The following STX8 variants were observed in gnomAD, a reference collection of about 807,000 sequenced individuals.
STX8 encodes syntaxin-8.
In STX8, 23 loss-of-function variants were observed where a neutral mutation model predicts 37.5. The observed-to-expected ratio is 0.61, with a 90% CI of 0.44 to 0.87. STX8 has a LOEUF of 0.87. Ranked by LOEUF, STX8 falls within the 40% of genes least tolerant of loss-of-function variation. The probability of loss-of-function intolerance (pLI) is 0.00; values close to 1 mark genes in which losing one functional copy is unlikely to be tolerated. For missense variants in STX8, 313 were observed against 284.7 expected (o/e 1.10, Z -0.71); for synonymous variants, 115 against 99.1 (o/e 1.16, Z -0.95).
intron 4 of STX8, among the ~76,000 whole-genome samples, chr17:9,542,972 G>C (rs899763476): frequency 6.6e-6 from 1 of 152,128 alleles, no homozygotes; most frequent in Non-Finnish European, 1.5e-5. Flanking sequence ...ACAAGGACCT[G>C]GTGGGAAGAC....
chr17:9,518,746 C>T (rs142542920), intron 4 of STX8, among the ~76,000 whole-genome samples: 4,955 of 151,762 alleles, frequency 0.033, 243 homozygotes, highest in African/African-American at 0.11. Context: ...TGGGCGCCTG[C>T]AATCCCAGCT....
At chr17:9,551,899 G>T (rs191327563) in intron 3 of STX8, among the ~76,000 whole-genome samples, 8 of 151,668 alleles carry the variant, frequency 5.3e-5, no homozygotes, top group Non-Finnish European at 1.0e-4. Context: ...ACTAGGGGGG[G>T]GTGTAACTTA....
chr17:9,573,078 A>AAAC (rs1907745547), intron 1 of STX8, among the ~76,000 whole-genome samples: 2 of 36,384 alleles, frequency 5.5e-5, no homozygotes, highest in Non-Finnish European at 8.0e-5. Context: ...CCCACCCCCA[A>AAAC]CACCCCCCCC....
intron 4 of STX8, among the ~76,000 whole-genome samples, chr17:9,508,439 T>C (rs1817276): frequency 1 from 152,094 of 152,320 alleles, 75,935 homozygotes; most frequent in Middle Eastern, 1. Flanking sequence ...TGATTCTCCC[T>C]CCTCAGTCCT....
At chr17:9,414,877 A>G (rs1248258165) in intron 6 of STX8, among the ~76,000 whole-genome samples, 2 of 132,032 alleles carry the variant, frequency 1.5e-5, no homozygotes, top group Admixed American at 9.4e-5. Context: ...TGCAACCTCT[A>G]CCTCCTGGGT....
At chr17:9,413,044 T>C (rs1395282004) in intron 6 of STX8, among the ~76,000 whole-genome samples, 1 of 152,178 alleles carries the variant, frequency 6.6e-6, no homozygotes, top group Non-Finnish European at 1.5e-5. Flanking sequence ...CCTAGATGTA[T>C]AAGAATGACT....
intron 7 of STX8, among the ~76,000 whole-genome samples, chr17:9,343,854 A>G (rs1910450360): frequency 6.6e-6 from 1 of 152,272 alleles, no homozygotes; most frequent in Admixed American, 6.5e-5. Context: ...GATGAGAAAT[A>G]TTAATTCCAG....
At chr17:9,331,548 C>T (rs1909962075) in intron 7 of STX8, among the ~76,000 whole-genome samples, 1 of 152,148 alleles carries the variant, frequency 6.6e-6, no homozygotes, top group African/African-American at 2.4e-5. Context: ...AGGACCGAGG[C>T]CGGGTGTCCT....
chr17:9,430,060 A>ATATATATATTCTATAT, intron 6 of STX8, among the ~76,000 whole-genome samples: 1 of 60,074 alleles, frequency 1.7e-5, no homozygotes, highest in African/African-American at 8.1e-5. Context: ...ATTCTATATA[A>ATATATATATTCTATAT]TATATATATT....
At chr17:9,485,137 A>ATG (rs1906529799) in intron 6 of STX8, among the ~76,000 whole-genome samples, 1 of 151,946 alleles carries the variant, frequency 6.6e-6, no homozygotes, top group African/African-American at 2.4e-5. Flanking sequence ...AAAAAAAATT[A>ATG]TAATAAGATC....
At chr17:9,398,704 C>G (rs561912799) in intron 6 of STX8, among the ~76,000 whole-genome samples, 88 of 152,176 alleles carry the variant, frequency 5.8e-4, no homozygotes, top group African/African-American at 2.0e-3. Context: ...AAATCTAAAA[C>G]TGTTCTAAAA....
At chr17:9,427,275 T>C (rs1467789233) in intron 6 of STX8, among the ~76,000 whole-genome samples, 1 of 152,164 alleles carries the variant, frequency 6.6e-6, no homozygotes, top group East Asian at 1.9e-4. Flanking sequence ...AGTAGCAGTC[T>C]TGATCCAGCC....
intron 7 of STX8, among the ~76,000 whole-genome samples, chr17:9,278,373 C>T (rs570882891): frequency 1.7e-4 from 26 of 152,082 alleles, no homozygotes; most frequent in South Asian, 8.3e-4. Context: ...CGCTTGAACC[C>T]GGGAGGCGGA....
At chr17:9,529,616 TGTAA>T (rs1489596245) in intron 4 of STX8, among the ~76,000 whole-genome samples, 1 of 152,226 alleles carries the variant, frequency 6.6e-6, no homozygotes, top group African/African-American at 2.4e-5. Flanking sequence ...TTTATAACAC[TGTAA>T]GTCTCACCTT....
intron 5 of STX8, among the ~76,000 whole-genome samples, chr17:9,498,447 CTA>C (rs1307790395): frequency 2.6e-5 from 4 of 151,214 alleles, no homozygotes; most frequent in African/African-American, 9.7e-5. Context: ...AAGTTAATCA[CTA>C]TGTTAGAAGA....
chr17:9,306,946 A>G (rs1456393501), intron 7 of STX8, among the ~76,000 whole-genome samples: 1 of 150,912 alleles, frequency 6.6e-6, no homozygotes, highest in African/African-American at 2.4e-5. Context: ...CAACATGGTG[A>G]AACCCCATCT....
rs113191994 is a variant in STX8 at position 9,450,232 on chromosome 17, C to T, written c.541+41597G>A. Among the ~76,000 whole-genome samples the T allele has an allele frequency of 4.6e-5, 7 of 151,590 alleles. 1 individual carries two copies. The highest frequency in any genetic ancestry group is 2.1e-4 in the South Asian group (1 of 4,806). On this transcript the variant is annotated intron_variant, in intron 6 of 7. Coordinates refer to ENST00000306357, the MANE Select transcript of STX8 (RefSeq NM_004853.3). ...CTGGGAAAACAGGTATGCGCCACCACGCCCGGCTAATTTTTGTATTTTTAG... is the reference window on the plus strand; with the variant it reads ...CTGGGAAAACAGGTATGCGCCACCATGCCCGGCTAATTTTTGTATTTTTAG...
At chr17:9,344,207 G>T (rs183870646) in intron 7 of STX8, among the ~76,000 whole-genome samples, 79 of 151,860 alleles carry the variant, frequency 5.2e-4, no homozygotes, top group South Asian at 5.2e-3. Flanking sequence ...TCAAGACCAC[G>T]GAGGCTCCAG....
chr17:9,458,368 G>C (rs376071986), intron 6 of STX8, among the ~76,000 whole-genome samples: 108 of 152,194 alleles, frequency 7.1e-4, no homozygotes, highest in African/African-American at 1.2e-3. Context: ...CCAGGATGGT[G>C]TCGATCTCCT....
Sources: allele counts gnomAD v4.1 joint callset (sites outside exome capture counted in the v4.1 genomes callset), GRCh38; gene constraint gnomAD v4.1.1; transcripts MANE v1.5; gene names NCBI Gene and HGNC (gene_info 2026-07-23, HGNC 2026-07-21).